MRPL48: variants seen among roughly 807,000 people sequenced by gnomAD.
MRPL48 encodes the protein large ribosomal subunit protein mL48.
A neutral mutation model predicts 32.9 loss-of-function variants in MRPL48; 16 were observed. That is an observed-to-expected ratio of 0.49 (90% CI 0.33 to 0.74). MRPL48 has a LOEUF of 0.74. Among genes scored for constraint, MRPL48 ranks in the 30% least tolerant of loss-of-function variants. MRPL48 has a pLI of 0.02. For synonymous variants in MRPL48, 94 were observed against 89.2 expected (o/e 1.05, Z -0.31); for missense variants, 206 against 245.3 (o/e 0.84, Z 1.07).
At chr11:73,821,626 T>G (rs1947783958) in intron 3 of MRPL48, among the ~76,000 whole-genome samples, 1 of 152,212 alleles carries the variant, frequency 6.6e-6, no homozygotes, top group Non-Finnish European at 1.5e-5. Context: ...GGCACTCAAG[T>G]TCATCTTAAG....
intron 4 of MRPL48, among the ~76,000 whole-genome samples, chr11:73,841,913 A>G (rs1266117498): frequency 6.6e-6 from 1 of 152,052 alleles, no homozygotes; most frequent in East Asian, 1.9e-4. Flanking sequence ...TAGTTCCCTC[A>G]CAAACAGCCA....
chr11:73,795,282 C>T (rs368792276), intron 1 of MRPL48, among the ~76,000 whole-genome samples: 4 of 151,844 alleles, frequency 2.6e-5, no homozygotes, highest in Non-Finnish European at 4.4e-5. Flanking sequence ...AGGCTGGTCT[C>T]GAACACCTGG....
At chr11:73,807,614 G>A (rs1160109820) in intron 2 of MRPL48, among the ~76,000 whole-genome samples, 2 of 147,156 alleles carry the variant, frequency 1.4e-5, no homozygotes, top group Non-Finnish European at 3.0e-5. Flanking sequence ...AGTCCCATTA[G>A]ATTGTAGTAT....
intron 5 of MRPL48, among the ~76,000 whole-genome samples, chr11:73,848,357 A>T (rs1468291464): frequency 2.6e-5 from 4 of 152,090 alleles, no homozygotes; most frequent in Non-Finnish European, 5.9e-5. Context: ...TGTCTTGATT[A>T]GTGTAGTTTG....
chr11:73,790,450 C>T (rs1385740480), intron 1 of MRPL48, among the ~76,000 whole-genome samples: 10 of 120,882 alleles, frequency 8.3e-5, no homozygotes, highest in South Asian at 3.0e-4. Flanking sequence ...AGTGGCCCGA[C>T]CTCAGCTCAC....
chr11:73,818,587 A>G (rs757103177), intron 3 of MRPL48, among the ~76,000 whole-genome samples: 26 of 152,256 alleles, frequency 1.7e-4, no homozygotes, highest in Non-Finnish European at 3.5e-4. Context: ...TACTGAGCAC[A>G]TACTGTTTGC....
chr11:73,822,988 T>C (rs1454294642), intron 3 of MRPL48: 1 of 453,278 alleles, frequency 2.2e-6, no homozygotes, highest in African/African-American at 2.0e-5. Context: ...CCTGATGATC[T>C]GTCACTGTCT....
At chr11:73,808,403 C>T (rs1947499103) in intron 3 of MRPL48, 53 bp downstream of exon 3, 1 of 1,526,256 alleles carries the variant, frequency 6.6e-7, no homozygotes, top group African/African-American at 1.4e-5. Context: ...CCCTTTAGCA[C>T]TCTATAATAA....
chr11:73,846,739 C>T (rs1395220586), intron 5 of MRPL48, among the ~76,000 whole-genome samples: 1 of 151,242 alleles, frequency 6.6e-6, no homozygotes, highest in East Asian at 1.9e-4. Flanking sequence ...GTCTCTCTCT[C>T]CCACCCAGGC....
intron 4 of MRPL48, among the ~76,000 whole-genome samples, chr11:73,828,511 C>G (rs1947940715): frequency 6.6e-6 from 1 of 152,110 alleles, no homozygotes; most frequent in African/African-American, 2.4e-5. Context: ...CAGAGATGAG[C>G]TACCATGCCT....
intron 5 of MRPL48, among the ~76,000 whole-genome samples, chr11:73,855,022 G>T (rs1948462240): frequency 6.6e-6 from 1 of 152,098 alleles, no homozygotes; most frequent in African/African-American, 2.4e-5. Context: ...AGGCTACAGT[G>T]AAAATTAAGG....
At chr11:73,859,805 G>A in intron 5 of MRPL48, 102 bp from the exon 6 acceptor site, 1 of 903,566 alleles carries the variant, frequency 1.1e-6, no homozygotes, top group Non-Finnish European at 1.7e-6. Context: ...TACATTCCGG[G>A]AACTATTGCA....
In MRPL48 at chr11:73,863,909, G is replaced by A. The variant is rs1948626113; in HGVS notation, c.565-387G>A. ...TGGTATTTGGGTTTCATACAGATCT[G>A]GGGACAGAGACAGCATGTGCTGGTC... On this transcript the variant is annotated intron_variant, in intron 7 of 7. Transcript: ENST00000310614. Among the ~76,000 whole-genome samples, 3 of 152,088 alleles carry A rather than the reference G, an allele frequency of 2.0e-5. No individual in the cohort carries two copies. In the South Asian group the frequency reaches 6.2e-4, roughly 32 times the overall value.
At chr11:73,845,839 G>A (rs1049299344) in intron 5 of MRPL48, among the ~76,000 whole-genome samples, 1 of 152,022 alleles carries the variant, frequency 6.6e-6, no homozygotes, top group Admixed American at 6.6e-5. Context: ...AGGCTAAGGC[G>A]GGTGGATCAC....
At chr11:73,803,194 C>A (rs1947388342) in intron 1 of MRPL48, among the ~76,000 whole-genome samples, 1 of 152,024 alleles carries the variant, frequency 6.6e-6, no homozygotes, top group South Asian at 2.1e-4. Flanking sequence ...ATGGTATGAT[C>A]TCTGCTCACT....
intron 3 of MRPL48, among the ~76,000 whole-genome samples, chr11:73,816,830 A>AT (rs34704077): frequency 0.048 from 6,766 of 141,614 alleles, 452 homozygotes; most frequent in African/African-American, 0.16. Flanking sequence ...TTTGTTTATT[A>AT]TTTTTTTTTT....
At chr11:73,822,127 G>A (rs948914252) in intron 3 of MRPL48, among the ~76,000 whole-genome samples, 1 of 152,122 alleles carries the variant, frequency 6.6e-6, no homozygotes, top group African/African-American at 2.4e-5. Flanking sequence ...GATTCAGAGA[G>A]ATGAAACTGG....
In MRPL48 at chr11:73,859,813, G is replaced by A. The variant is rs1166627441; in HGVS notation, c.372-94G>A. On this transcript the variant is annotated intron_variant, in intron 5 of 7. Coordinates refer to ENST00000310614, the MANE Select transcript of MRPL48 (RefSeq NM_016055.6). ...CATCCCCTACATTCCGGGAACTATTGCATGCCATAGTGGCTATACTCATGG... is the reference window on the plus strand; with the variant it reads ...CATCCCCTACATTCCGGGAACTATTACATGCCATAGTGGCTATACTCATGG... 4.0e-6 allele frequency: 4 copies of A among 1,003,024 alleles called. No individual in the cohort carries two copies. The East Asian group carries it at 1.0e-4, about 25-fold the overall frequency. 62.1% of individuals were successfully genotyped at this position (1,003,024 alleles called of 1,614,324 possible).
At chr11:73,819,806 G>A (rs1416530509) in intron 3 of MRPL48, among the ~76,000 whole-genome samples, 1 of 152,090 alleles carries the variant, frequency 6.6e-6, no homozygotes, top group East Asian at 1.9e-4. Flanking sequence ...ATTGAGATGG[G>A]AGGATCACTT....
Sources: allele counts gnomAD v4.1 joint callset (sites outside exome capture counted in the v4.1 genomes callset), GRCh38; gene constraint gnomAD v4.1.1; transcripts MANE v1.5; gene names NCBI Gene and HGNC (gene_info 2026-07-23, HGNC 2026-07-21).